Variants in PLCB4 observed in about 807,000 individuals in gnomAD.
PLCB4 encodes the protein 1-phosphatidylinositol 4,5-bisphosphate phosphodiesterase beta-4.
A neutral mutation model predicts 178.8 loss-of-function variants in PLCB4; 77 were observed. The ratio of observed to expected loss-of-function variants is 0.43; its 90% CI spans 0.36 to 0.52. PLCB4 has a LOEUF of 0.52. Among genes scored for constraint, PLCB4 ranks in the 20% least tolerant of loss-of-function variants. PLCB4 has a pLI of 0.00. For missense variants in PLCB4, 1,024 were observed against 1,453.4 expected (o/e 0.70, Z 4.80); for synonymous variants, 496 against 490.8 (o/e 1.01, Z -0.14).
intron 3 of PLCB4, among the ~76,000 whole-genome samples, chr20:9,292,700 C>T (rs2094590734): frequency 6.6e-6 from 1 of 152,142 alleles, no homozygotes; most frequent in Non-Finnish European, 1.5e-5. Context: ...AGGCAGGCAG[C>T]AGGGTATGAG....
chr20:9,187,974 G>C (rs923104562), intron 2 of PLCB4, among the ~76,000 whole-genome samples: 28 of 152,170 alleles, frequency 1.8e-4, no homozygotes, highest in Admixed American at 1.7e-3. Flanking sequence ...TCTCAAACTA[G>C]AAGATTTCTC....
intron 18 of PLCB4, among the ~76,000 whole-genome samples, chr20:9,394,376 T>G (rs976219311): frequency 6.6e-6 from 1 of 152,158 alleles, no homozygotes; most frequent in African/African-American, 2.4e-5. Flanking sequence ...TAACATATAT[T>G]ATACACGTAT....
At chr20:9,359,927 C>A (rs1486487948) in intron 7 of PLCB4, among the ~76,000 whole-genome samples, 7 of 152,096 alleles carry the variant, frequency 4.6e-5, no homozygotes, top group African/African-American at 1.7e-4. Context: ...TTAAAAAAAC[C>A]CCAACAAGAC....
intron 3 of PLCB4, among the ~76,000 whole-genome samples, chr20:9,262,717 A>G (rs1031114645): frequency 6.6e-6 from 1 of 152,150 alleles, no homozygotes. Flanking sequence ...TTCCTCTAAG[A>G]TCCTGACATC....
At chr20:9,389,344 G>C (rs1481639110) in intron 15 of PLCB4, among the ~76,000 whole-genome samples, 1 of 152,002 alleles carries the variant, frequency 6.6e-6, no homozygotes, top group South Asian at 2.1e-4. Flanking sequence ...GGAAACAAGG[G>C]ATACTGCAAA....
chr20:9,123,672 C>T (rs1369092246), intron 2 of PLCB4, among the ~76,000 whole-genome samples: 1 of 151,944 alleles, frequency 6.6e-6, no homozygotes, highest in South Asian at 2.1e-4. Context: ...TTCTTCAGAT[C>T]TTTCACCCAA....
chr20:9,214,778 A>AAT (rs1282361677), intron 2 of PLCB4, among the ~76,000 whole-genome samples: 1 of 152,212 alleles, frequency 6.6e-6, no homozygotes, highest in African/African-American at 2.4e-5. Flanking sequence ...CCAGTAGCTA[A>AAT]ATAGTTCATG....
chr20:9,120,981 C>T (rs2091947523), intron 2 of PLCB4, among the ~76,000 whole-genome samples: 1 of 152,158 alleles, frequency 6.6e-6, no homozygotes, highest in Non-Finnish European at 1.5e-5. Flanking sequence ...GTGCCATCTC[C>T]CTGAAGCCCT....
At chr20:9,139,569 C>G (rs974433164) in intron 2 of PLCB4, among the ~76,000 whole-genome samples, 6 of 152,032 alleles carry the variant, frequency 3.9e-5, no homozygotes, top group Non-Finnish European at 7.4e-5. Flanking sequence ...TGGAAGTTGC[C>G]AGTTCCCTTA....
chr20:9,423,332 A>G (rs2040776827), intron 27 of PLCB4, among the ~76,000 whole-genome samples: 1 of 152,226 alleles, frequency 6.6e-6, no homozygotes, highest in African/African-American at 2.4e-5. Context: ...TTAAAAACAA[A>G]CAAATATAGA....
chr20:9,109,946 A>G (rs1279711969), intron 2 of PLCB4, among the ~76,000 whole-genome samples: 2 of 152,144 alleles, frequency 1.3e-5, no homozygotes, highest in African/African-American at 4.8e-5. Context: ...AGTCAAGGGT[A>G]TGGAGGCCCA....
chr20:9,174,821 G>C (rs1402624898), intron 2 of PLCB4, among the ~76,000 whole-genome samples: 1 of 152,084 alleles, frequency 6.6e-6, no homozygotes, highest in African/African-American at 2.4e-5. Context: ...TAAGAGAGTG[G>C]CAAAATTAAT....
At chr20:9,282,430 C>T (rs1467163457) in intron 3 of PLCB4, among the ~76,000 whole-genome samples, 2 of 151,978 alleles carry the variant, frequency 1.3e-5, no homozygotes, top group Non-Finnish European at 2.9e-5. Flanking sequence ...AGATGGTTTG[C>T]TTTAATTTTA....
At chr20:9,093,558 T>C (rs1377168060) in intron 1 of PLCB4, among the ~76,000 whole-genome samples, 1 of 152,210 alleles carries the variant, frequency 6.6e-6, no homozygotes, top group Non-Finnish European at 1.5e-5. Flanking sequence ...CCATGAACTA[T>C]GTTTTTTATT....
intron 3 of PLCB4, among the ~76,000 whole-genome samples, chr20:9,219,297 G>A (rs564123460): frequency 6.6e-6 from 1 of 152,208 alleles, no homozygotes; most frequent in Admixed American, 6.5e-5. Flanking sequence ...GTGAAACCCC[G>A]TCTCTACTAA....
In PLCB4 at chr20:9,100,889, C is replaced by T. The variant is rs138939359; in HGVS notation, c.-79+4547C>T. On this transcript the variant is annotated intron_variant, in intron 2 of 39. Coordinates refer to ENST00000378473, the MANE Select transcript of PLCB4 (RefSeq NM_001377142.1). Reference sequence around the variant, plus strand: ...AGCTGTGTGACCATCTGCATCATCTCGACAGTGCCACAGCTTCCTCCGTAG... The same window carrying T: ...AGCTGTGTGACCATCTGCATCATCTTGACAGTGCCACAGCTTCCTCCGTAG... 3.6e-3 allele frequency among the ~76,000 whole-genome samples: 543 copies of T among 152,260 alleles called. 1 individual carries two copies. Among genetic ancestry groups the T allele is most frequent in the Non-Finnish European group, 6.3e-3 (427 of 68,022 alleles).
At chr20:9,337,351 C>T (rs1568609543) in intron 5 of PLCB4, 145 bp downstream of exon 5, 1 of 644,620 alleles carries the variant, frequency 1.6e-6, no homozygotes, top group South Asian at 1.8e-5. Flanking sequence ...ATGTGCCAGG[C>T]ATTGAAGTAT....
At chr20:9,292,758 A>G (rs907276422) in intron 3 of PLCB4, among the ~76,000 whole-genome samples, 1 of 152,160 alleles carries the variant, frequency 6.6e-6, no homozygotes, top group Admixed American at 6.6e-5. Context: ...TGGAGAGAGG[A>G]GCAGGTATAC....
At chr20:9,441,258 T>C (rs546890756) in intron 30 of PLCB4, among the ~76,000 whole-genome samples, 1 of 152,244 alleles carries the variant, frequency 6.6e-6, no homozygotes, top group Admixed American at 6.5e-5. Context: ...TTTTGTATGA[T>C]AGTTTTTAGG....
Sources: gnomAD v4.1 joint callset for allele counts (sites outside exome capture counted in the v4.1 genomes callset) on GRCh38, gnomAD v4.1.1 for gene constraint, MANE v1.5 for transcripts, NCBI Gene and HGNC (gene_info 2026-07-23, HGNC 2026-07-21) for gene names.